Variants in CAMTA1 observed in about 807,000 individuals in gnomAD.
CAMTA1 encodes the protein calmodulin binding transcription activator 1, also known as calmodulin-binding transcription activator 1.
In CAMTA1, 27 loss-of-function variants were observed where a neutral mutation model predicts 170.9. That is an observed-to-expected ratio of 0.16 (90% CI 0.12 to 0.22). CAMTA1 has a LOEUF of 0.22. Among genes scored for constraint, CAMTA1 ranks in the 10% least tolerant of loss-of-function variants. The probability of loss-of-function intolerance (pLI) is 1.00; values close to 1 mark genes in which losing one functional copy is unlikely to be tolerated. For missense variants in CAMTA1, 1,619 were observed against 2,217.2 expected (o/e 0.73, Z 5.42); for synonymous variants, 833 against 891.5 (o/e 0.93, Z 1.17).
intron 4 of CAMTA1, among the ~76,000 whole-genome samples, chr1:7,147,880 A>C (rs1416937727): frequency 8.8e-6 from 1 of 114,088 alleles, no homozygotes; most frequent in Non-Finnish European, 1.9e-5. Flanking sequence ...CACACACACA[A>C]ACTCAAACAT....
At chr1:7,127,130 C>T (rs1004665270) in intron 4 of CAMTA1, among the ~76,000 whole-genome samples, 1 of 152,072 alleles carries the variant, frequency 6.6e-6, no homozygotes, top group Admixed American at 6.6e-5. Context: ...GGGGCTGAGC[C>T]CGCAGACGTG....
chr1:7,089,964 T>G (rs2148122583), intron 3 of CAMTA1, among the ~76,000 whole-genome samples: 1 of 152,334 alleles, frequency 6.6e-6, no homozygotes, highest in Middle Eastern at 3.4e-3. Context: ...TTATTTATGA[T>G]TTCTTCAGCT....
Position 7,561,491 on chromosome 1 carries a change from C to CA in CAMTA1, c.511-78908dup, listed in dbSNP as rs2094956538. On this transcript the variant is annotated intron_variant, in intron 6 of 22. Coordinates refer to ENST00000303635, the MANE Select transcript of CAMTA1 (RefSeq NM_015215.4). This position sits in a 1 kb window ranked among gnomAD's most constrained non-coding sequence, Gnocchi z 5.3. The stretch of plus-strand genomic sequence containing the variant: ...ACCCCAGCGGCACCAGCACACTCCT[C>CA]ATCCTCTAGGATGAGCCCAAGCAGA... Among the ~76,000 whole-genome samples the CA allele has an allele frequency of 6.6e-6, 1 of 151,862 alleles. No individual in the cohort carries two copies. The highest frequency in any genetic ancestry group is 2.1e-4 in the South Asian group (1 of 4,814).
rs1189189556 is a variant in CAMTA1, at chr1:7,482,472, C to T, written c.510+14571C>T. On this transcript the variant is annotated intron_variant, in intron 6 of 22. Coordinates refer to ENST00000303635, the MANE Select transcript of CAMTA1 (RefSeq NM_015215.4). This position sits in a 1 kb window ranked among gnomAD's most constrained non-coding sequence, Gnocchi z 4.2. Reference sequence around the variant, plus strand: ...GTAAAGACACCAGAATGGATGCGCTCTCCACGCAGTGTGTCCCCACCTCCC... The same window carrying T: ...GTAAAGACACCAGAATGGATGCGCTTTCCACGCAGTGTGTCCCCACCTCCC... Among the ~76,000 whole-genome samples, 1 of 152,186 alleles carries T rather than the reference C, an allele frequency of 6.6e-6. No homozygotes were observed. The highest frequency in any genetic ancestry group is 1.5e-5 in the Non-Finnish European group (1 of 68,042).
At chr1:7,754,017 A>G (rs890524240) in intron 21 of CAMTA1, among the ~76,000 whole-genome samples, 1 of 152,194 alleles carries the variant, frequency 6.6e-6, no homozygotes, top group Non-Finnish European at 1.5e-5. Context: ...GGGACTTAGG[A>G]CCAAAGAGAG....
chr1:7,378,477 G>T (rs1406449982), intron 5 of CAMTA1, among the ~76,000 whole-genome samples: 1 of 152,202 alleles, frequency 6.6e-6, no homozygotes, highest in African/African-American at 2.4e-5. Context: ...ACCTGAGGAC[G>T]TATTGCTGAG....
In CAMTA1 at chr1:7,548,009, G is replaced by T. The variant is rs369145015; in HGVS notation, c.510+80108G>T. On this transcript the variant is annotated intron_variant, in intron 6 of 22. Coordinates refer to ENST00000303635, the MANE Select transcript of CAMTA1 (RefSeq NM_015215.4). ...TCTGCCATGAACAGAGGGACAGGAA[G>T]GGTTCCTGCCACACATATGCTGGCC... Among the ~76,000 whole-genome samples, 4 of 152,210 alleles carry T rather than the reference G, an allele frequency of 2.6e-5. No homozygotes were observed. The East Asian group carries it at 7.7e-4, about 29-fold the overall frequency.
At position 7,195,834 on chromosome 1, in the gene CAMTA1, C is replaced by T. The variant is rs1257895039; in HGVS notation, c.303-53657C>T. On this transcript the variant is annotated intron_variant, in intron 4 of 22. Transcript: ENST00000303635. This position sits in a 1 kb window ranked among gnomAD's most constrained non-coding sequence, Gnocchi z 4.1. ...AGGAGTTCAAGACCAGCCTGGCCAACATGGTGAAACCCCGTCTCTACTAAG... is the reference window on the plus strand; with the variant it reads ...AGGAGTTCAAGACCAGCCTGGCCAATATGGTGAAACCCCGTCTCTACTAAG... Among the ~76,000 whole-genome samples the T allele has an allele frequency of 2.0e-5, 3 of 152,068 alleles. No individual in the cohort carries two copies. Among genetic ancestry groups the T allele is most frequent in the African/African-American group, 7.2e-5 (3 of 41,388 alleles).
chr1:7,022,877 T>G (rs1211772137), intron 3 of CAMTA1, among the ~76,000 whole-genome samples: 2 of 152,090 alleles, frequency 1.3e-5, no homozygotes. Context: ...AAAACATAGC[T>G]GAATTCAAAG....
At chr1:7,250,328 G>A (rs1199037243) in intron 5 of CAMTA1, among the ~76,000 whole-genome samples, 1 of 152,212 alleles carries the variant, frequency 6.6e-6, no homozygotes, top group African/African-American at 2.4e-5. Context: ...GCCGTAGAGG[G>A]GGAGGGCATG....
At chr1:7,448,693 C>T (rs1228109458) in intron 5 of CAMTA1, among the ~76,000 whole-genome samples, 1 of 152,222 alleles carries the variant, frequency 6.6e-6, no homozygotes, top group Non-Finnish European at 1.5e-5. Context: ...TTGCTGCGTC[C>T]TTACGTGGTA....
Position 6,982,659 on chromosome 1 carries a change from G to C in CAMTA1, c.235-108645G>C, listed in dbSNP as rs76446959. On this transcript the variant is annotated intron_variant, in intron 3 of 22. Coordinates refer to ENST00000303635, the MANE Select transcript of CAMTA1 (RefSeq NM_015215.4). ...ACAGGCAGCATGGCCCCGGGTTCTG[G>C]CTCCCTGTCCCCACGCAGTTGGCAG... Among the ~76,000 whole-genome samples, 1,219 of 152,246 alleles carry C rather than the reference G, an allele frequency of 8.0e-3. 10 individuals are homozygous for C. Among genetic ancestry groups the C allele is most frequent in the Middle Eastern group, 0.014 (4 of 294 alleles).
At chr1:7,751,855 G>A (rs2096900091) in intron 20 of CAMTA1, among the ~76,000 whole-genome samples, 1 of 152,118 alleles carries the variant, frequency 6.6e-6, no homozygotes, top group African/African-American at 2.4e-5. Context: ...TTTCTAAACA[G>A]AACTTGTTCC....
intron 4 of CAMTA1, among the ~76,000 whole-genome samples, chr1:7,107,050 C>G (rs1364407804): frequency 6.6e-6 from 1 of 151,952 alleles, no homozygotes; most frequent in African/African-American, 2.4e-5. Flanking sequence ...GAGAGGGGGC[C>G]TCGAAATGCA....
chr1:7,481,386 C>T (rs962660395), intron 6 of CAMTA1, among the ~76,000 whole-genome samples: 10 of 152,212 alleles, frequency 6.6e-5, no homozygotes, highest in Non-Finnish European at 1.0e-4. Context: ...CAGGTCCTTT[C>T]GTGCCTCAGG....
At chr1:7,322,789 T>C (rs1268052520) in intron 5 of CAMTA1, among the ~76,000 whole-genome samples, 1 of 152,250 alleles carries the variant, frequency 6.6e-6, no homozygotes, top group Non-Finnish European at 1.5e-5. Flanking sequence ...TTTCTTCTTC[T>C]TCCCTTAATA....
chr1:7,428,529 C>G (rs915737034), intron 5 of CAMTA1, among the ~76,000 whole-genome samples: 3 of 152,116 alleles, frequency 2.0e-5, no homozygotes, highest in African/African-American at 7.2e-5. Flanking sequence ...AGTCCAGATG[C>G]CTTCCCGCAT....
At chr1:6,796,224 G>T (rs1313962967) in intron 1 of CAMTA1, among the ~76,000 whole-genome samples, 1 of 140,316 alleles carries the variant, frequency 7.1e-6, no homozygotes, top group East Asian at 2.1e-4. Flanking sequence ...GCTTACTGCA[G>T]CCTCGACTTC....
intron 7 of CAMTA1, among the ~76,000 whole-genome samples, chr1:7,650,266 GAGA>G (rs575244487): frequency 3.9e-4 from 59 of 152,342 alleles, no homozygotes; most frequent in African/African-American, 1.4e-3. Context: ...CGCACATCAG[GAGA>G]AGATTCCGAG....
Sources: gnomAD v4.1 joint callset for allele counts (sites outside exome capture counted in the v4.1 genomes callset) on GRCh38, gnomAD v4.1.1 for gene constraint, Gnocchi (gnomAD v3.1) non-coding constraint, MANE v1.5 for transcripts, NCBI Gene and HGNC (gene_info 2026-07-23, HGNC 2026-07-21) for gene names.